Variants in CELSR1 observed in about 807,000 individuals in gnomAD.
The protein encoded by CELSR1 is adhesion G protein-coupled receptor C1.
CELSR1 carries 110 observed loss-of-function variants against 249.1 expected under a neutral mutation model. The observed-to-expected ratio is 0.44, with a 90% CI of 0.38 to 0.52. The LOEUF is 0.52. Among genes scored for constraint, CELSR1 ranks in the 20% least tolerant of loss-of-function variants. The pLI is 0.00. For missense variants in CELSR1, 4,109 were observed against 4,296.4 expected (o/e 0.96, Z 1.22); for synonymous variants, 2,113 against 1,900.0 (o/e 1.11, Z -2.92).
At chr22:46,531,083 C>A (rs1245442766) in intron 1 of CELSR1, among the ~76,000 whole-genome samples, 1 of 152,208 alleles carries the variant, frequency 6.6e-6, no homozygotes, top group Non-Finnish European at 1.5e-5. Flanking sequence ...TGTTTTCTAT[C>A]CGGTGCTTTG....
At position 46,490,106 on chromosome 22, in the gene CELSR1, C is replaced by T. The variant is rs762012241; in HGVS notation, c.3545-25761G>A. Among the ~76,000 whole-genome samples the T allele has an allele frequency of 1.3e-5, 2 of 152,114 alleles. No homozygotes were observed. The highest frequency in any genetic ancestry group is 6.6e-5 in the Admixed American group (1 of 15,266). On this transcript the variant is annotated intron_variant, in intron 1 of 34. Transcript: ENST00000674500. This position sits in a 1 kb window ranked among gnomAD's most constrained non-coding sequence, Gnocchi z 5.2. ...AGCCGCTTTCTGAGAACCAACGTTC[C>T]CAAGTGCAAAGTGTACACATGTCGA...
chr22:46,507,737 G>C (rs927591640), intron 1 of CELSR1, among the ~76,000 whole-genome samples: 1 of 152,058 alleles, frequency 6.6e-6, no homozygotes, highest in African/African-American at 2.4e-5. Context: ...CCCGCCCCTA[G>C]AGTACTGGGG....
Position 46,506,173 on chromosome 22 carries a change from C to CAAAAAAAAA in CELSR1, c.3544+27445_3544+27453dup, listed in dbSNP as rs59470297. ...CAGCCTGGGCGACAGAGACTGTCTC[C>CAAAAAAAAA]AAAAAAAAAAAAAAAAAAAAGAAAA... is the stretch of plus-strand genomic sequence containing the variant. On this transcript the variant is annotated intron_variant, in intron 1 of 34. Transcript: ENST00000674500. The surrounding 1 kb of genome is among the most constrained non-coding windows in gnomAD (Gnocchi z 4.1). Among the ~76,000 whole-genome samples, 1 of 137,030 alleles carries CAAAAAAAAA rather than the reference C, an allele frequency of 7.3e-6. No individual in the cohort carries two copies. Among genetic ancestry groups the CAAAAAAAAA allele is most frequent in the Non-Finnish European group, 1.6e-5 (1 of 64,146 alleles). The allele number at this position is 137,030 out of a possible 152,430, so 89.9% of individuals were successfully genotyped here.
chr22:46,462,773 ATGTG>A (rs935346175), intron 2 of CELSR1: 81 of 315,620 alleles, frequency 2.6e-4, no homozygotes, highest in African/African-American at 1.7e-3. Flanking sequence ...GATGCAGAGA[ATGTG>A]TGTTTCTGTA....
At position 46,490,459 on chromosome 22, in the gene CELSR1, G is replaced by C. The variant is rs745646052; in HGVS notation, c.3545-26114C>G. Among the ~76,000 whole-genome samples the C allele has an allele frequency of 1.3e-5, 2 of 151,986 alleles. No homozygotes were observed. Among genetic ancestry groups the C allele is most frequent in the Non-Finnish European group, 2.9e-5 (2 of 68,006 alleles). On this transcript the variant is annotated intron_variant, in intron 1 of 34. Coordinates refer to ENST00000674500, the MANE Select transcript of CELSR1 (RefSeq NM_001378328.1). The surrounding 1 kb of genome is among the most constrained non-coding windows in gnomAD (Gnocchi z 5.2). The stretch of plus-strand genomic sequence containing the variant: ...CCACCATCTCGTCTGGCTAATTTTT[G>C]TATTTTTAGTAGAGACGGGGTTTCA...
intron 2 of CELSR1, among the ~76,000 whole-genome samples, chr22:46,458,589 G>A (rs2079983656): frequency 6.6e-6 from 1 of 152,226 alleles, no homozygotes; most frequent in Non-Finnish European, 1.5e-5. Context: ...CAGGATCAGA[G>A]CAGGGAGTAT....
intron 1 of CELSR1, among the ~76,000 whole-genome samples, chr22:46,519,828 A>G (rs2080666542): frequency 6.6e-6 from 1 of 151,418 alleles, no homozygotes; most frequent in African/African-American, 2.4e-5. Flanking sequence ...GATTTGATCC[A>G]TGTACCAGGC....
At chr22:46,405,938 C>G (rs1569139742) in intron 9 of CELSR1, among the ~76,000 whole-genome samples, 2 of 152,242 alleles carry the variant, frequency 1.3e-5, no homozygotes, top group Admixed American at 1.3e-4. Flanking sequence ...TCTGGGTGCC[C>G]AGTGGGGTCT....
chr22:46,537,367 G>A lies in CELSR1; in HGVS notation c.-197C>T, dbSNP rs2147834685. On this transcript the variant is annotated 5_prime_UTR_variant, in exon 1 of 35. Transcript: ENST00000674500. This position sits in a 1 kb window ranked among gnomAD's most constrained non-coding sequence, Gnocchi z 5.8. ...GCCTCCCCCGCAGCTTCCACTTCGA[G>A]AGCACTTTGCGAAAGTTTGCGAAGT... 6.7e-6 allele frequency among the ~76,000 whole-genome samples: 1 copy of A among 148,858 alleles called. No individual in the cohort carries two copies. Among genetic ancestry groups the A allele is most frequent in the African/African-American group, 2.4e-5 (1 of 41,174 alleles).
At chr22:46,451,510 C>T (rs755964967) in intron 2 of CELSR1, among the ~76,000 whole-genome samples, 1 of 152,228 alleles carries the variant, frequency 6.6e-6, no homozygotes, top group Non-Finnish European at 1.5e-5. Flanking sequence ...GAAACCCTGC[C>T]GAACCTGAAG....
chr22:46,493,545 CAAA>C (rs35527058), intron 1 of CELSR1, among the ~76,000 whole-genome samples: 30 of 124,704 alleles, frequency 2.4e-4, no homozygotes, highest in Admixed American at 2.4e-4. Flanking sequence ...GACTCCGTCT[CAAA>C]AAAAAAAAAA....
At position 46,389,309 on chromosome 22, in the gene CELSR1, T is replaced by G; in HGVS notation, c.6536A>C (p.Gln2179Pro). Residue 2179 changes from glutamine (Q) to proline (P), a missense_variant, in exon 18 of 35, where the codon CAG becomes CCG. Gln to Pro is a moderately conservative substitution (Grantham distance 76). This residue lies in a region of CELSR1 where 1,805 missense variants were observed against 1,831.6 expected (regional missense o/e 0.99). Transcript: ENST00000674500. ...WQQGFDLAAT[Q>P]DADFHEDVIH... ...GCCTACCTCGTGAAAGTCGGCGTCC[T>G]GCGTGGCTGCCAGGTCGAAGCCCTG... 1 of 1,607,564 alleles carries G rather than the reference T, an allele frequency of 6.2e-7. No homozygotes were observed. The highest frequency in any genetic ancestry group is 1.7e-5 in the Admixed American group (1 of 60,008).
In CELSR1 at chr22:46,477,189, G is replaced by C. The variant is rs1353115450; in HGVS notation, c.3545-12844C>G. The stretch of plus-strand genomic sequence containing the variant: ...AACTCCCCCACCTTAAAGATGCTGA[G>C]TATGGCTTGGGTAGAGCCAAAGTCG... On this transcript the variant is annotated intron_variant, in intron 1 of 34. Coordinates refer to ENST00000674500, the MANE Select transcript of CELSR1 (RefSeq NM_001378328.1). 2.6e-5 allele frequency among the ~76,000 whole-genome samples: 4 copies of C among 152,298 alleles called. No individual in the cohort carries two copies. In the East Asian group the frequency reaches 7.7e-4, roughly 29 times the overall value.
rs776176969 is a variant in CELSR1 at position 46,409,209 on chromosome 22, G to A, written c.5060-47C>T. Reference sequence around the variant, plus strand: ...CCTCAGGTGTCTCCCGAAATCACACGGCCGCGGACTTGGCTGCAGGGGCGG... The same window carrying A: ...CCTCAGGTGTCTCCCGAAATCACACAGCCGCGGACTTGGCTGCAGGGGCGG... On this transcript the variant is annotated intron_variant, in intron 8 of 34. Coordinates refer to ENST00000674500, the MANE Select transcript of CELSR1 (RefSeq NM_001378328.1). The surrounding 1 kb of genome is among the most constrained non-coding windows in gnomAD (Gnocchi z 9.8). 1.5e-5 allele frequency: 24 copies of A among 1,595,588 alleles called. No individual in the cohort carries two copies. The highest frequency in any genetic ancestry group is 2.3e-5 in the South Asian group (2 of 88,346).
In CELSR1 at chr22:46,398,644, GGA is replaced by G. The variant is rs1569134976; in HGVS notation, c.5413-9_5413-8del. 1 of 1,602,970 alleles carries G rather than the reference GGA, an allele frequency of 6.2e-7. No homozygotes were observed. The highest frequency in any genetic ancestry group is 8.5e-7 in the Non-Finnish European group (1 of 1,174,444). On this transcript the variant is annotated splice_region_variant and splice_polypyrimidine_tract_variant and intron_variant, in intron 10 of 34. Transcript: ENST00000674500. The surrounding 1 kb of genome is among the most constrained non-coding windows in gnomAD (Gnocchi z 7.2). ...CCCCGATATCTGCCTTGTTCTGTGC[GGA>G]GAGAGGGGCCGGGGATCTGGGGGCT... is the stretch of plus-strand genomic sequence containing the variant.
At chr22:46,457,034 G>C (rs1173089360) in intron 2 of CELSR1, among the ~76,000 whole-genome samples, 1 of 152,150 alleles carries the variant, frequency 6.6e-6, no homozygotes, top group Non-Finnish European at 1.5e-5. Context: ...ACCAAGCTAA[G>C]GCCCCAGCTA....
chr22:46,415,181 G>A (rs1488822788), intron 5 of CELSR1, among the ~76,000 whole-genome samples: 6 of 152,128 alleles, frequency 3.9e-5, no homozygotes, highest in South Asian at 4.1e-4. Context: ...ATGGAATCTC[G>A]CTCTGTCACC....
rs1569225909 is a variant in CELSR1, at chr22:46,534,976, C to T, written c.2195G>A (p.Arg732His). The T allele has an allele frequency of 1.9e-6, 3 of 1,612,100 alleles. No homozygotes were observed. Among genetic ancestry groups the T allele is most frequent in the South Asian group, 1.1e-5 (1 of 91,060 alleles). ...YQLTGGNTRNRFALSSQRGGG... is the reference protein window; with the variant it reads ...YQLTGGNTRNHFALSSQRGGG... Reference sequence around the variant, plus strand: ...CCCTCTCTGGCTGCTGAGTGCAAAGCGGTTCCGGGTGTTGCCGCCTGTGAG... The same window carrying T: ...CCCTCTCTGGCTGCTGAGTGCAAAGTGGTTCCGGGTGTTGCCGCCTGTGAG... The change falls in exon 1 of 35, where the codon CGC becomes CAC. Residue 732 changes from arginine to histidine, a missense_variant. By Grantham distance (29) the Arg-to-His change is conservative. This residue lies in a region of CELSR1 where 886 missense variants were observed against 896.5 expected (regional missense o/e 0.99). Coordinates refer to ENST00000674500, the MANE Select transcript of CELSR1 (RefSeq NM_001378328.1). The surrounding 1 kb of genome is among the most constrained non-coding windows in gnomAD (Gnocchi z 9.7).
chr22:46,384,080 G>A (rs796602548), intron 20 of CELSR1, among the ~76,000 whole-genome samples: 14 of 152,054 alleles, frequency 9.2e-5, no homozygotes, highest in African/African-American at 3.1e-4. Context: ...GATTACAGGC[G>A]CCCGCCACCG....
Sources: gnomAD v4.1 joint callset for allele counts (sites outside exome capture counted in the v4.1 genomes callset) on GRCh38, gnomAD v4.1.1 for gene constraint, gnomAD v4.1.1 regional missense constraint, Gnocchi (gnomAD v3.1) non-coding constraint, MANE v1.5 for transcripts, NCBI Gene and HGNC (gene_info 2026-07-23, HGNC 2026-07-21) for gene names.